NECAP2: variants seen among roughly 807,000 people sequenced by gnomAD.
NECAP2 encodes adaptin ear-binding coat-associated protein 2.
NECAP2 carries 38 observed loss-of-function variants against 37.8 expected under a neutral mutation model. That is an observed-to-expected ratio of 1.01 (90% confidence interval 0.78 to 1.32). The LOEUF is 1.32. Among genes scored for constraint, NECAP2 ranks in the 40% most tolerant of loss-of-function variants. The probability of loss-of-function intolerance (pLI) is 0.00; values close to 1 mark genes in which losing one functional copy is unlikely to be tolerated. For synonymous variants in NECAP2, 121 were observed against 127.7 expected (o/e 0.95, Z 0.35); for missense variants, 316 against 334.5 (o/e 0.94, Z 0.43).
At chr1:16,456,138 C>T (rs1440885342) in intron 7 of NECAP2, among the ~76,000 whole-genome samples, 1 of 152,006 alleles carries the variant, frequency 6.6e-6, no homozygotes, top group African/African-American at 2.4e-5. Flanking sequence ...ATTCTCCTGC[C>T]TCAGCCTCCT....
chr1:16,440,800 G>A lies in NECAP2; in HGVS notation c.39G>A (p.Lys13=). 2 of 1,614,204 alleles carry A rather than the reference G, an allele frequency of 1.2e-6. No individual in the cohort carries two copies. The highest frequency in any genetic ancestry group is 1.7e-6 in the Non-Finnish European group (2 of 1,180,034). The stretch of plus-strand genomic sequence containing the variant: ...GGTACGAGTCGGTGCTCTGTGTCAA[G>A]CCTGACGTCCACGTCTACCGCATCC... ...ESGYESVLCV[K]PDVHVYRIPP... The change falls in exon 1 of 8, where the codon AAG becomes AAA. Residue 13 remains lysine, a synonymous_variant. Transcript: ENST00000337132.
At chr1:16,446,429 T>C (rs1376210249) in intron 2 of NECAP2, among the ~76,000 whole-genome samples, 2 of 152,156 alleles carry the variant, frequency 1.3e-5, no homozygotes, top group African/African-American at 4.8e-5. Flanking sequence ...CATGGTGGCA[T>C]GTGCCTGTAT....
chr1:16,440,940 C>T, intron 1 of NECAP2, 87 bp downstream of exon 1: 2 of 1,179,798 alleles, frequency 1.7e-6, no homozygotes, highest in Middle Eastern at 3.8e-4. Flanking sequence ...CCGAGGACAG[C>T]CCTGGCCAGT....
At chr1:16,446,085 G>A (rs2086756685) in intron 2 of NECAP2, among the ~76,000 whole-genome samples, 1 of 152,130 alleles carries the variant, frequency 6.6e-6, no homozygotes, top group African/African-American at 2.4e-5. Context: ...GTGCATGCCT[G>A]TAAACCCGGC....
intron 6 of NECAP2, 133 bp downstream of exon 6, chr1:16,452,148 G>A (rs1016941461): frequency 2.9e-5 from 28 of 960,596 alleles, no homozygotes; most frequent in Non-Finnish European, 4.0e-5. Flanking sequence ...CAAAGAAGGC[G>A]GGCACCCAAA....
Position 16,451,942 on chromosome 1 carries a change from C to T in NECAP2, c.594C>T (p.Thr198=), listed in dbSNP as rs760650499. Residue 198 remains threonine (T), a synonymous_variant, in exon 6 of 8, where the codon ACC becomes ACT. Coordinates refer to ENST00000337132, the MANE Select transcript of NECAP2 (RefSeq NM_018090.5). ...LPPPPGGKTS[T]LIPPPGEQLA... is the part of the protein sequence containing the mutation. ...CTCCCCCAGGGGGGAAAACCTCCAC[C>T]CTGATCCCTCCCCCTGGGGAGCAGT... The T allele has an allele frequency of 2.5e-6, 4 of 1,613,268 alleles. No homozygotes were observed. The highest frequency in any genetic ancestry group is 1.1e-5 in the South Asian group (1 of 91,038).
At chr1:16,450,601 G>A (rs1403953526) in intron 5 of NECAP2, 1 of 153,790 alleles carries the variant, frequency 6.5e-6, no homozygotes, top group African/African-American at 2.4e-5. Flanking sequence ...AGTATAATGT[G>A]CATGTAAAAA....
At chr1:16,457,000 C>G (rs2086930732) in intron 7 of NECAP2, among the ~76,000 whole-genome samples, 1 of 152,184 alleles carries the variant, frequency 6.6e-6, no homozygotes, top group African/African-American at 2.4e-5. Flanking sequence ...GTGTGCCCAG[C>G]CACATTTTCT....
chr1:16,444,227 A>G (rs1038708870), intron 2 of NECAP2, among the ~76,000 whole-genome samples: 4 of 152,180 alleles, frequency 2.6e-5, no homozygotes, highest in African/African-American at 9.7e-5. Context: ...TGTTGGGGTC[A>G]GCTGGCAGAG....
chr1:16,444,240 C>T (rs369586844), intron 2 of NECAP2, among the ~76,000 whole-genome samples: 61 of 152,120 alleles, frequency 4.0e-4, no homozygotes, highest in African/African-American at 1.4e-3. Context: ...TGGCAGAGAT[C>T]GTCTTGGGGG....
intron 2 of NECAP2, among the ~76,000 whole-genome samples, chr1:16,447,331 G>A (rs2086778696): frequency 6.6e-6 from 1 of 152,026 alleles, no homozygotes; most frequent in Non-Finnish European, 1.5e-5. Context: ...AGCTAGTCAC[G>A]CTTGCCCTGT....
In NECAP2 at chr1:16,449,173, A is replaced by G. The variant is rs2100955821; in HGVS notation, c.461A>G (p.Glu154Gly). The change falls in exon 5 of 8, where the codon GAG (glutamate) becomes GGG (glycine). Residue 154 changes from glutamate to glycine, a missense_variant. Around this residue, in one of 3 missense-constraint regions of NECAP2, gnomAD observed 204 missense variants for 188.6 expected, o/e 1.08. Transcript: ENST00000337132. ...QGPKLDLGFK[E>G]GQTIKLNIAN... Reference sequence around the variant, plus strand: ...CCTAAACTGGACCTGGGCTTCAAGGAGGGCCAGACCATCAAGCTCAACATC... The same window carrying G: ...CCTAAACTGGACCTGGGCTTCAAGGGGGGCCAGACCATCAAGCTCAACATC... The G allele has an allele frequency of 6.2e-7, 1 of 1,612,702 alleles. No homozygotes were observed. The highest frequency in any genetic ancestry group is 2.2e-5 in the East Asian group (1 of 44,866).
At chr1:16,458,253 G>A (rs2086958013) in intron 7 of NECAP2, among the ~76,000 whole-genome samples, 1 of 152,072 alleles carries the variant, frequency 6.6e-6, no homozygotes, top group Non-Finnish European at 1.5e-5. Flanking sequence ...GCATGTTTAT[G>A]TAAAATTAAA....
At chr1:16,447,595 A>AT (rs1428144830) in intron 2 of NECAP2, among the ~76,000 whole-genome samples, 4 of 152,222 alleles carry the variant, frequency 2.6e-5, no homozygotes, top group Admixed American at 6.5e-5. Flanking sequence ...GAGGCTCAGC[A>AT]TTAATAAAGC....
At chr1:16,452,091 TCC>T (rs543066368) in intron 6 of NECAP2, 76 bp downstream of exon 6, 1 of 1,412,932 alleles carries the variant, frequency 7.1e-7, no homozygotes, top group Non-Finnish European at 9.6e-7. Context: ...CCCCATGGTT[TCC>T]CCCCCGTTAC....
chr1:16,451,761 GCCCTCC>G, intron 5 of NECAP2, 71 bp from the exon 6 acceptor site: 1 of 1,548,006 alleles, frequency 6.5e-7, no homozygotes, highest in South Asian at 1.1e-5. Context: ...GGTCACCTTG[GCCCTCC>G]TTGTGGGGTT....
intron 1 of NECAP2, among the ~76,000 whole-genome samples, chr1:16,442,469 T>G (rs2086703279): frequency 6.6e-6 from 1 of 152,198 alleles, no homozygotes; most frequent in Non-Finnish European, 1.5e-5. Context: ...GATTTGTGAA[T>G]TGAGAATCTG....
chr1:16,441,689 G>C (rs961697261), intron 1 of NECAP2: 1 of 152,216 alleles, frequency 6.6e-6, no homozygotes. Flanking sequence ...GGCCTGGGTG[G>C]CTCTTGAAGG....
At chr1:16,449,051 G>A in intron 4 of NECAP2, 42 bp from the exon 5 acceptor site, 3 of 1,358,902 alleles carry the variant, frequency 2.2e-6, no homozygotes, top group Non-Finnish European at 3.1e-6. Context: ...AGGGCAGCTG[G>A]TCTCTTCCTT....
Sources: allele counts gnomAD v4.1 joint callset (sites outside exome capture counted in the v4.1 genomes callset), GRCh38; gene constraint gnomAD v4.1.1; regional missense constraint gnomAD v4.1.1; transcripts MANE v1.5; gene names NCBI Gene and HGNC (gene_info 2026-07-23, HGNC 2026-07-21).